The following ATP10B variants were observed in gnomAD, a reference collection of about 807,000 sequenced individuals.
The protein encoded by ATP10B is phospholipid-transporting ATPase VB.
Under a neutral mutation model 141.2 loss-of-function variants are expected in ATP10B, and 122 were observed. The observed-to-expected ratio is 0.86, with a 90% CI of 0.75 to 1.00. The LOEUF (loss-of-function observed/expected upper bound fraction) is 1.00, where lower values mean the gene tolerates loss of function less well. ATP10B is among the 50% of genes least tolerant of loss of function. ATP10B has a pLI of 0.00. For synonymous variants in ATP10B, 685 were observed against 692.0 expected (o/e 0.99, Z 0.16); for missense variants, 1,876 against 1,825.3 (o/e 1.03, Z -0.51).
chr5:160,785,231 G>A (rs1299108735), intron 2 of ATP10B, among the ~76,000 whole-genome samples: 1 of 152,008 alleles, frequency 6.6e-6, no homozygotes, highest in Admixed American at 6.6e-5. Flanking sequence ...TGTTATTTAC[G>A]CCACCTTGAA....
Position 160,607,046 on chromosome 5 carries a change from A to G in ATP10B, c.2879T>C (p.Leu960Pro). The G allele has an allele frequency of 6.2e-7, 1 of 1,614,112 alleles. No homozygotes were observed. ...ESILNCALEE[L>P]KQFRELQKPD... is the part of the protein sequence containing the mutation. ...CTTCTGTAGTTCACGAAATTGCTTT[A>G]GCTCTTCCAATGCACAATTGAGGAT... is the stretch of plus-strand genomic sequence containing the variant. Residue 960 changes from leucine (L) to proline (P), a missense_variant, in exon 19 of 26, where the codon CTA becomes CCA. Leu to Pro is a moderately conservative substitution (Grantham distance 98). Coordinates refer to ENST00000327245, the MANE Select transcript of ATP10B (RefSeq NM_025153.3).
At chr5:160,652,648 TTA>T (rs987488922) in intron 7 of ATP10B, among the ~76,000 whole-genome samples, 9 of 135,416 alleles carry the variant, frequency 6.6e-5, no homozygotes, top group African/African-American at 2.5e-4. Context: ...TAAAATAAAA[TTA>T]TATATGTATA....
At chr5:160,802,456 A>G (rs1772438985) in intron 1 of ATP10B, among the ~76,000 whole-genome samples, 1 of 152,192 alleles carries the variant, frequency 6.6e-6, no homozygotes, top group African/African-American at 2.4e-5. Flanking sequence ...TGGTTGTCGC[A>G]CCTGGGGAAG....
At position 160,563,565 on chromosome 5, in the gene ATP10B, T is replaced by C. The variant is rs908186038; in HGVS notation, c.*1888A>G. ...GAGGGTGTTACAGCTTTCAGAGGCTTTTTTACCACTGGGTTTCATGTAATT... is the reference window on the plus strand; with the variant it reads ...GAGGGTGTTACAGCTTTCAGAGGCTCTTTTACCACTGGGTTTCATGTAATT... On this transcript the variant is annotated 3_prime_UTR_variant, in exon 26 of 26. Coordinates refer to ENST00000327245, the MANE Select transcript of ATP10B (RefSeq NM_025153.3). 6.6e-6 allele frequency: 1 copy of C among 152,172 alleles called. No homozygotes were observed. Among genetic ancestry groups the C allele is most frequent in the Non-Finnish European group, 1.5e-5 (1 of 68,022 alleles). 9.4% of individuals were successfully genotyped at this position (152,172 alleles called of 1,614,324 possible).
At chr5:160,657,169 GT>G (rs555601788) in intron 7 of ATP10B, among the ~76,000 whole-genome samples, 23 of 149,908 alleles carry the variant, frequency 1.5e-4, no homozygotes, top group African/African-American at 2.0e-4. Flanking sequence ...GAACACTAAA[GT>G]TTTTTTTTTC....
At position 160,653,472 on chromosome 5, in the gene ATP10B, C is replaced by CATACATAGTATATATACATATGTACATAT; in HGVS notation, c.676-4217_676-4216insATATGTACATATGTATATATACTATGTAT. 1.4e-3 allele frequency among the ~76,000 whole-genome samples: 86 copies of CATACATAGTATATATACATATGTACATAT among 62,896 alleles called. 4 individuals carry two copies. The highest frequency in any genetic ancestry group is 5.0e-3 in the African/African-American group (82 of 16,546). The allele number at this position is 62,896 out of a possible 152,430, so 41.3% of individuals were successfully genotyped here. ...GGTAGTATATATACATATGTACATACATACATAGGTAGTATATATACATAT... is the reference window on the plus strand; with the variant it reads ...GGTAGTATATATACATATGTACATACATACATAGTATATATACATATGTACATATATACATAGGTAGTATATATACATAT... On this transcript the variant is annotated intron_variant, in intron 7 of 25. Transcript: ENST00000327245.
chr5:160,621,050 G>A (rs1758320288), intron 14 of ATP10B, 100 bp from the exon 15 acceptor site: 1 of 1,406,636 alleles, frequency 7.1e-7, no homozygotes, highest in Non-Finnish European at 9.6e-7. Flanking sequence ...AATAAGTGAA[G>A]CCAGATATTT....
intron 2 of ATP10B, among the ~76,000 whole-genome samples, chr5:160,721,187 A>T (rs995168148): frequency 6.6e-6 from 1 of 152,262 alleles, no homozygotes; most frequent in Non-Finnish European, 1.5e-5. Context: ...TTCATGGACC[A>T]TGGTGCTCTG....
At chr5:160,773,854 G>A (rs1248105131) in intron 2 of ATP10B, among the ~76,000 whole-genome samples, 1 of 152,094 alleles carries the variant, frequency 6.6e-6, no homozygotes, top group African/African-American at 2.4e-5. Context: ...TAGCTCCTTT[G>A]ATCACAGAAT....
chr5:160,724,251 CTTTTTTTT>C (rs35786358), intron 2 of ATP10B, among the ~76,000 whole-genome samples: 2 of 107,072 alleles, frequency 1.9e-5, no homozygotes, highest in Non-Finnish European at 3.6e-5. Flanking sequence ...GCTATAATTC[CTTTTTTTT>C]TTTTTTTTTT....
In ATP10B at chr5:160,580,367, G is replaced by T. The variant is rs533372864; in HGVS notation, c.3750+9225C>A. 1.3e-4 allele frequency among the ~76,000 whole-genome samples: 20 copies of T among 152,276 alleles called. 1 individual carries two copies. In the East Asian group the frequency reaches 3.9e-3, roughly 29 times the overall value. On this transcript the variant is annotated intron_variant, in intron 24 of 25. Transcript: ENST00000327245. ...ATACCTAATTTATTGAGAGTTTTTA[G>T]CATTAAGAGGTGAATTTTATCGAAG...
chr5:160,873,178 C>T, the ATP10B span, among the ~76,000 whole-genome samples: 5 of 149,104 alleles, frequency 3.4e-5, no homozygotes, highest in South Asian at 2.1e-4. Flanking sequence ...TGATTCTCTG[C>T]GGTCTCTTGT....
At chr5:160,649,511 G>A (rs534970241) in intron 7 of ATP10B, among the ~76,000 whole-genome samples, 1 of 152,316 alleles carries the variant, frequency 6.6e-6, no homozygotes, top group South Asian at 2.1e-4. Context: ...CTGCCTGGGT[G>A]TGGGGCTGTA....
intron 7 of ATP10B, among the ~76,000 whole-genome samples, chr5:160,652,952 AT>A (rs1325024427): frequency 2.3e-5 from 2 of 86,418 alleles, no homozygotes; most frequent in African/African-American, 1.1e-4. Flanking sequence ...TATATAATAT[AT>A]TATATATACA....
Position 160,632,162 on chromosome 5 carries a change from G to C in ATP10B, c.1587C>G (p.Ser529Arg). 1 of 1,614,114 alleles carries C rather than the reference G, an allele frequency of 6.2e-7. No homozygotes were observed. The highest frequency in any genetic ancestry group is 1.1e-5 in the South Asian group (1 of 91,076). Residue 529 changes from serine (S) to arginine (R), a missense_variant, in exon 13 of 26, where the codon AGC becomes AGG. Transcript: ENST00000327245. Reference protein sequence around the residue: ...YRQRSMGHRESSQPPVAFSSS... With the variant: ...YRQRSMGHRERSQPPVAFSSS... Reference sequence around the variant, plus strand: ...TGCTGAAGGCCACAGGAGGCTGTGAGCTTTCACGGTGCCCCATAGACCTTT... The same window carrying C: ...TGCTGAAGGCCACAGGAGGCTGTGACCTTTCACGGTGCCCCATAGACCTTT...
chr5:160,703,481 GTT>G (rs34636305), intron 3 of ATP10B, among the ~76,000 whole-genome samples: 123,442 of 147,856 alleles, frequency 0.83, 51,497 homozygotes, highest in South Asian at 0.89. Flanking sequence ...GATGATATTT[GTT>G]TTTTTTTTTT....
At chr5:160,752,176 T>C (rs1164560434) in intron 2 of ATP10B, among the ~76,000 whole-genome samples, 24 of 86,192 alleles carry the variant, frequency 2.8e-4, no homozygotes, top group African/African-American at 1.3e-3. Context: ...CCCCCTACTT[T>C]TTTTTTTTTT....
the ATP10B span, among the ~76,000 whole-genome samples, chr5:160,916,368 A>G: frequency 2.0e-5 from 3 of 150,678 alleles, no homozygotes; most frequent in Non-Finnish European, 4.4e-5. Flanking sequence ...ACTTTGGACC[A>G]AATGCTCTCT....
intron 18 of ATP10B, among the ~76,000 whole-genome samples, chr5:160,607,655 A>G (rs1199994827): frequency 6.6e-6 from 1 of 152,212 alleles, no homozygotes; most frequent in Non-Finnish European, 1.5e-5. Flanking sequence ...GTTGTATTCC[A>G]TGAAGGGTGC....
Sources: gnomAD v4.1 joint callset for allele counts (sites outside exome capture counted in the v4.1 genomes callset) on GRCh38, gnomAD v4.1.1 for gene constraint, MANE v1.5 for transcripts, NCBI Gene and HGNC (gene_info 2026-07-23, HGNC 2026-07-21) for gene names.